Variants in TMEM175 observed in about 807,000 individuals in gnomAD.
The protein encoded by TMEM175 is endosomal/lysosomal proton channel TMEM175.
Under a neutral mutation model 36.5 loss-of-function variants are expected in TMEM175, and 36 were observed. The observed-to-expected ratio is 0.99, with a 90% CI of 0.76 to 1.30. The LOEUF (loss-of-function observed/expected upper bound fraction) is 1.30, where lower values mean the gene tolerates loss of function less well. TMEM175 is among the 50% of genes most tolerant of loss of function. TMEM175 has a pLI of 0.00. For synonymous variants in TMEM175, 339 were observed against 313.4 expected (o/e 1.08, Z -0.86); for missense variants, 705 against 692.8 (o/e 1.02, Z -0.20).
Position 953,316 on chromosome 4 carries a change from T to C in TMEM175, c.589T>C (p.Phe197Leu). ...GIVLQGPALC[F>L]AAAIFSLFFV... ...CGTCCTCCAAGGCCCGGCCCTGTGC[T>C]TTGCAGCGGCCATCTTCTCTCTCTT... Residue 197 changes from phenylalanine (F) to leucine (L), a missense_variant, in exon 8 of 11, where the codon TTT (phenylalanine) becomes CTT (leucine). Phe to Leu is a conservative substitution (Grantham distance 22). Transcript: ENST00000264771. 1 of 1,613,754 alleles carries C rather than the reference T, an allele frequency of 6.2e-7. No homozygotes were observed.
rs1452215510 is a variant in TMEM175 at position 958,007 on chromosome 4, G to T, written c.1026G>T (p.Gly342=). 1 of 1,612,608 alleles carries T rather than the reference G, an allele frequency of 6.2e-7. No homozygotes were observed. Among genetic ancestry groups the T allele is most frequent in the Admixed American group, 1.7e-5 (1 of 60,006 alleles). ...TGCGCAAGGCCACGCGGGCCATGGG[G>T]CTGCTGAACACGCTCTCGCTGGCCT... ...LHVRKATRAM[G]LLNTLSLAFV... The change falls in exon 11 of 11, where the codon GGG becomes GGT. Residue 342 remains glycine (G), a synonymous_variant. Coordinates refer to ENST00000264771, the MANE Select transcript of TMEM175 (RefSeq NM_032326.4).
intron 1 of TMEM175, among the ~76,000 whole-genome samples, chr4:944,612 TAAG>T (rs1287523612): frequency 6.6e-6 from 1 of 152,210 alleles, no homozygotes; most frequent in Non-Finnish European, 1.5e-5. Flanking sequence ...TGTGTATAAT[TAAG>T]AAGATAGATG....
At chr4:956,158 C>T in intron 10 of TMEM175, 1 of 694,714 alleles carries the variant, frequency 1.4e-6, no homozygotes, top group East Asian at 3.5e-5. Context: ...AGGTCAGCAC[C>T]AGCAGCCAAC....
intron 5 of TMEM175, 94 bp from the exon 6 acceptor site, chr4:951,588 G>C: frequency 1.6e-5 from 25 of 1,545,964 alleles, no homozygotes; most frequent in Non-Finnish European, 2.2e-5. Context: ...CTTGGGGAGG[G>C]CCCAGCCCTG....
Position 932,471 on chromosome 4 carries a change from T to G in TMEM175, c.-101T>G. 2.0e-6 allele frequency: 1 copy of G among 493,680 alleles called. No individual in the cohort carries two copies. Among genetic ancestry groups the G allele is most frequent in the Non-Finnish European group, 3.4e-6 (1 of 293,052 alleles). 30.6% of individuals were successfully genotyped at this position (493,680 alleles called of 1,614,324 possible). ...GCCGGGCTTGCGATGAACTTCCGGC[T>G]GTCAAGCTCCCGGCCGGGCTGACTC... On this transcript the variant is annotated 5_prime_UTR_variant, in exon 1 of 11. Coordinates refer to ENST00000264771, the MANE Select transcript of TMEM175 (RefSeq NM_032326.4). This position sits in a 1 kb window ranked among gnomAD's most constrained non-coding sequence, Gnocchi z 4.0.
rs73209894 is a variant in TMEM175, at chr4:951,022, T to G, written c.291-185T>G. ...GTGCAGGGTGTGGATGGGAGCAGGG[T>G]GCTTTCTAGGGAACTTCATTTCCTT... On this transcript the variant is annotated intron_variant, in intron 4 of 10. Transcript: ENST00000264771. 3.1e-3 allele frequency among the ~76,000 whole-genome samples: 477 copies of G among 152,134 alleles called. 4 individuals are homozygous for G. Among genetic ancestry groups the G allele is most frequent in the Non-Finnish European group, 5.3e-3 (363 of 67,926 alleles).
chr4:934,058 G>A (rs1002597027), intron 1 of TMEM175, among the ~76,000 whole-genome samples: 37 of 152,310 alleles, frequency 2.4e-4, no homozygotes, highest in Non-Finnish European at 4.1e-4. Flanking sequence ...GCCATTATTC[G>A]GCCAGGGCCA....
chr4:956,443 G>T lies in TMEM175; in HGVS notation c.842+553G>T, dbSNP rs57852272. ...TCGTCACGTTTTTGGTTTTTGTGGG[G>T]TTTTTTTTTTTTTTTTTTTGAGACA... On this transcript the variant is annotated intron_variant, in intron 10 of 10. Transcript: ENST00000264771. The T allele has an allele frequency of 4.7e-3, 5,684 of 1,210,878 alleles. 42 individuals are homozygous for T. Among genetic ancestry groups the T allele is most frequent in the African/African-American group, 0.04 (2,321 of 58,210 alleles). 75.0% of individuals were successfully genotyped at this position (1,210,878 alleles called of 1,614,324 possible).
Position 955,355 on chromosome 4 carries a change from G to A in TMEM175, c.628-50G>A, listed in dbSNP as rs760791506. ...ACACAGCTTTGTGTGGGTAAGGCCT[G>A]GCCTCGGACCCCTGTGGAGGGCACT... On this transcript the variant is annotated intron_variant, in intron 8 of 10. Transcript: ENST00000264771. 10 of 1,467,054 alleles carry A rather than the reference G, an allele frequency of 6.8e-6. No individual in the cohort carries two copies. In the South Asian group the frequency reaches 9.1e-5, roughly 13 times the overall value. 90.9% of individuals were successfully genotyped at this position (1,467,054 alleles called of 1,614,324 possible). A position where few individuals can be genotyped will look rare whatever the true frequency, so the allele number is the denominator to read the frequency against.
In TMEM175 at chr4:957,833, C is replaced by A. The variant is rs755837481; in HGVS notation, c.852C>A (p.Asn284Lys). The A allele has an allele frequency of 1.9e-6, 3 of 1,606,440 alleles. No individual in the cohort carries two copies. The highest frequency in any genetic ancestry group is 1.7e-6 in the Non-Finnish European group (2 of 1,176,212). ...TATTCACTGTTCTCAGCGAAGACAA[C>A]GTCCCGGACCCCAAGGATGTGAAGG... ...TLLILDICED[N>K]VPDPKDVKER... Residue 284 changes from asparagine to lysine, a missense_variant, in exon 11 of 11, where the codon AAC becomes AAA. Transcript: ENST00000264771.
At chr4:953,090 G>T (rs114260968) in intron 7 of TMEM175, 100 bp from the exon 8 acceptor site, 2 of 1,306,886 alleles carry the variant, frequency 1.5e-6, no homozygotes, top group African/African-American at 1.5e-5. Flanking sequence ...TCCCCACCTC[G>T]AGACCCTTGC....
intron 1 of TMEM175, among the ~76,000 whole-genome samples, chr4:941,867 G>A (rs926837834): frequency 2.0e-5 from 3 of 151,968 alleles, no homozygotes; most frequent in African/African-American, 7.2e-5. Context: ...CCCAGCCTGG[G>A]CCACATAGAC....
rs1729990656 is a variant in TMEM175, at chr4:958,143, A to G, written c.1162A>G (p.Ile388Val). ...VSCTIIFLAS[I>V]FQLAMWTTAL... is the part of the protein sequence containing the mutation. ...CTGCACCATCATCTTCCTGGCCAGC[A>G]TCTTCCAGCTGGCCATGTGGACCAC... The change falls in exon 11 of 11, where the codon ATC (isoleucine) becomes GTC (valine). Residue 388 changes from isoleucine to valine, a missense_variant. Coordinates refer to ENST00000264771, the MANE Select transcript of TMEM175 (RefSeq NM_032326.4). 6.2e-7 allele frequency: 1 copy of G among 1,603,148 alleles called. No individual in the cohort carries two copies. The highest frequency in any genetic ancestry group is 1.7e-5 in the Admixed American group (1 of 59,996).
intron 1 of TMEM175, among the ~76,000 whole-genome samples, chr4:936,050 C>T (rs1386700311): frequency 6.6e-6 from 1 of 152,088 alleles, no homozygotes; most frequent in Non-Finnish European, 1.5e-5. Context: ...CAGCAATCAC[C>T]TTATGAAACT....
chr4:955,180 G>T (rs1192726630), intron 8 of TMEM175, among the ~76,000 whole-genome samples: 5 of 152,124 alleles, frequency 3.3e-5, no homozygotes, highest in Non-Finnish European at 4.4e-5. Context: ...GGGCCCAAGC[G>T]ATCCACCTGC....
At chr4:948,574 A>G in intron 3 of TMEM175, 1 of 1,319,484 alleles carries the variant, frequency 7.6e-7, no homozygotes, top group East Asian at 4.9e-5. Flanking sequence ...GCCCCGTCTC[A>G]GCGGGGACAC....
intron 1 of TMEM175, among the ~76,000 whole-genome samples, chr4:942,313 C>T (rs1400739469): frequency 6.6e-6 from 1 of 152,142 alleles, no homozygotes; most frequent in Non-Finnish European, 1.5e-5. Flanking sequence ...GATCCGCCTT[C>T]CTCAGCCTCC....
chr4:954,656 A>C (rs187929552), intron 8 of TMEM175, among the ~76,000 whole-genome samples: 37 of 152,332 alleles, frequency 2.4e-4, no homozygotes, highest in Middle Eastern at 3.4e-3. Context: ...GTGTGTGCCC[A>C]CAGTGAGTTT....
chr4:934,447 T>C (rs762620157), intron 1 of TMEM175, among the ~76,000 whole-genome samples: 1 of 151,202 alleles, frequency 6.6e-6, no homozygotes, highest in Non-Finnish European at 1.5e-5. Flanking sequence ...ATGGAAGATA[T>C]GTGTTGGATT....
Sources: allele counts gnomAD v4.1 joint callset (sites outside exome capture counted in the v4.1 genomes callset), GRCh38; gene constraint gnomAD v4.1.1; non-coding constraint Gnocchi (gnomAD v3.1); transcripts MANE v1.5; gene names NCBI Gene and HGNC (gene_info 2026-07-23, HGNC 2026-07-21).